Variants in SOX6 observed in about 807,000 individuals in gnomAD.
SOX6 encodes the protein SRY-box transcription factor 6, also known as transcription factor SOX-6.
Under a neutral mutation model 97.8 loss-of-function variants are expected in SOX6, and 11 were observed. That is an observed-to-expected ratio of 0.11 (90% CI 0.07 to 0.19). SOX6 has a LOEUF of 0.19. SOX6 is among the 10% of genes least tolerant of loss of function. SOX6 has a pLI of 1.00. For missense variants in SOX6, 810 were observed against 1,039.5 expected, an observed-to-expected ratio of 0.78 and a Z score of 3.04; for synonymous variants, 360 against 371.4, an observed-to-expected ratio of 0.97 and a Z score of 0.35.
At chr11:16,639,741 A>G (rs1217385509) in intron 3 of SOX6, among the ~76,000 whole-genome samples, 2 of 151,870 alleles carry the variant, frequency 1.3e-5, no homozygotes, top group Non-Finnish European at 2.9e-5. Flanking sequence ...TATGCTTATG[A>G]TTTTTGCACA....
intron 3 of SOX6, among the ~76,000 whole-genome samples, chr11:16,672,283 A>G (rs1235365420): frequency 6.6e-6 from 1 of 152,240 alleles, no homozygotes; most frequent in Non-Finnish European, 1.5e-5. Flanking sequence ...GACAGGATCA[A>G]ACCCACACAT....
At chr11:16,689,977 T>G (rs914575580) in intron 3 of SOX6, among the ~76,000 whole-genome samples, 2 of 150,932 alleles carry the variant, frequency 1.3e-5, no homozygotes, top group Non-Finnish European at 2.9e-5. Context: ...CAGGCTAGAG[T>G]GCAGCAGTGC....
intron 9 of SOX6, among the ~76,000 whole-genome samples, chr11:16,088,897 T>G (rs1848626956): frequency 6.6e-6 from 1 of 152,184 alleles, no homozygotes; most frequent in African/African-American, 2.4e-5. Context: ...CAATAAATTT[T>G]TCATACATAT....
chr11:16,718,932 G>A (rs955890314), intron 2 of SOX6, among the ~76,000 whole-genome samples: 4 of 144,546 alleles, frequency 2.8e-5, no homozygotes, highest in African/African-American at 7.7e-5. Flanking sequence ...AGGAGTTGGA[G>A]ACCAGCCTGG....
intron 2 of SOX6, among the ~76,000 whole-genome samples, chr11:16,725,005 TCCTAGACATATACCCACAAGAATTGGAAA>T (rs1564878293): frequency 6.6e-6 from 1 of 152,160 alleles, no homozygotes; most frequent in Non-Finnish European, 1.5e-5. Context: ...GCAATTCCAC[TCCTAGACATATACCCACAAGAATTGGAAA>T]CAAAGTCACA....
At chr11:16,539,857 C>A (rs191276298) in intron 4 of SOX6, among the ~76,000 whole-genome samples, 110 of 151,078 alleles carry the variant, frequency 7.3e-4, no homozygotes, top group Admixed American at 2.4e-3. Context: ...AAAGTCCAGG[C>A]AAACGGACTC....
intron 15 of SOX6, among the ~76,000 whole-genome samples, chr11:15,984,110 A>T (rs1424261606): frequency 2.0e-5 from 3 of 152,138 alleles, no homozygotes; most frequent in Non-Finnish European, 4.4e-5. Context: ...TCTTTATCTT[A>T]TTTAGAGAAT....
At chr11:16,470,637 A>G (rs896670720) in intron 1 of SOX6, among the ~76,000 whole-genome samples, 12 of 152,154 alleles carry the variant, frequency 7.9e-5, no homozygotes, top group Non-Finnish European at 1.6e-4. Context: ...AAAAATATTT[A>G]TACAGCAACC....
intron 3 of SOX6, among the ~76,000 whole-genome samples, chr11:16,696,988 G>GTTTTTTTTTTTTTTTTTTTTTTTTTTT (rs1183656478): frequency 7.2e-5 from 11 of 151,950 alleles, no homozygotes; most frequent in East Asian, 2.0e-4. Context: ...ATCCTTCATT[G>GTTTTTTTTTTTTTTTTTTTTTTTTTTT]TTATTTCAAC....
chr11:16,211,348 G>A (rs1193666748), intron 4 of SOX6, among the ~76,000 whole-genome samples: 2 of 152,016 alleles, frequency 1.3e-5, no homozygotes, highest in Admixed American at 6.5e-5. Flanking sequence ...GGAGAAAGCA[G>A]GGATTTAAGC....
At position 16,653,375 on chromosome 11, in the gene SOX6, T is replaced by A. The variant is rs183393367; in HGVS notation, n.430-41115A>T. ...AATATGAAACCAGCCCAAACACCCA[T>A]CAGCCAACAAGTAGATAAAGAAAAT... On this transcript the variant is annotated intron_variant and non_coding_transcript_variant, in intron 3 of 5. Coordinates refer to the SOX6 transcript ENST00000524520. Among the ~76,000 whole-genome samples the A allele has an allele frequency of 5.7e-4, 86 of 152,136 alleles. No homozygotes were observed. The Middle Eastern group carries it at 0.01, about 18-fold the overall frequency.
intron 15 of SOX6, among the ~76,000 whole-genome samples, chr11:15,980,258 A>G (rs776579813): frequency 2.6e-5 from 4 of 152,038 alleles, no homozygotes; most frequent in Non-Finnish European, 4.4e-5. Context: ...GTTAACAGAA[A>G]AGAAAACTTT....
chr11:16,659,514 T>A (rs1204293497), intron 3 of SOX6, among the ~76,000 whole-genome samples: 1 of 152,138 alleles, frequency 6.6e-6, no homozygotes, highest in Non-Finnish European at 1.5e-5. Context: ...CTATTCTGGG[T>A]TTTTCCCCTT....
At chr11:16,662,086 C>A (rs1377023033) in intron 3 of SOX6, among the ~76,000 whole-genome samples, 1 of 152,054 alleles carries the variant, frequency 6.6e-6, no homozygotes, top group Non-Finnish European at 1.5e-5. Context: ...TATTTTTTTA[C>A]CTCCATTCAT....
intron 6 of SOX6, among the ~76,000 whole-genome samples, chr11:16,140,451 A>C (rs956591836): frequency 6.6e-6 from 1 of 152,176 alleles, no homozygotes; most frequent in African/African-American, 2.4e-5. Context: ...GAAGCCACAG[A>C]GACCTAAGTT....
At chr11:16,500,100 A>G (rs1261090658) in intron 4 of SOX6, among the ~76,000 whole-genome samples, 1 of 152,208 alleles carries the variant, frequency 6.6e-6, no homozygotes, top group East Asian at 1.9e-4. Flanking sequence ...CACATCAAAA[A>G]GCTTATCCAC....
At chr11:16,497,814 A>T (rs906124318) in intron 4 of SOX6, among the ~76,000 whole-genome samples, 3 of 152,244 alleles carry the variant, frequency 2.0e-5, no homozygotes, top group African/African-American at 7.2e-5. Context: ...ATATGGGACT[A>T]TGTGAAAAGA....
intron 3 of SOX6, chr11:16,316,450 A>T (rs1300272495): frequency 6.6e-6 from 1 of 151,764 alleles, no homozygotes; most frequent in Non-Finnish European, 1.5e-5. Context: ...TTGCAAAAAA[A>T]AATCTGTAGA....
chr11:16,557,146 T>C (rs1847757653), intron 4 of SOX6, among the ~76,000 whole-genome samples: 1 of 151,804 alleles, frequency 6.6e-6, no homozygotes, highest in East Asian at 1.9e-4. Flanking sequence ...CTAACTTCAC[T>C]TAAATACTGG....
Sources: allele counts gnomAD v4.1 joint callset (sites outside exome capture counted in the v4.1 genomes callset), GRCh38; gene constraint gnomAD v4.1.1; transcripts MANE v1.5; gene names NCBI Gene and HGNC (gene_info 2026-07-23, HGNC 2026-07-21).